MUC13: variants seen among roughly 807,000 people sequenced by gnomAD.
MUC13 encodes mucin-13.
A neutral mutation model predicts 48.3 loss-of-function variants in MUC13; 32 were observed. The ratio of observed to expected loss-of-function variants is 0.66; its 90% confidence interval spans 0.50 to 0.89. MUC13 has a LOEUF of 0.89. Ranked by LOEUF, MUC13 falls within the 40% of genes least tolerant of loss-of-function variation. MUC13 has a pLI of 0.00. For synonymous variants in MUC13, 199 were observed against 224.9 expected (o/e 0.88, Z 1.03); for missense variants, 571 against 622.8 (o/e 0.92, Z 0.88).
In MUC13 at chr3:124,927,576, G is replaced by C. The variant is rs1179510633; in HGVS notation, c.470C>G (p.Pro157Arg). ...GGTCTCCAATAAAGCGGTGCCAGTG[G>C]GAGGCCCTGATGATTGATTGTCTTC... ...TTEDNQSSGP[P>R]TGTALLETST... Residue 157 changes from proline to arginine, a missense_variant, in exon 2 of 12, where the codon CCC (proline) becomes CGC (arginine). Physicochemically the swap from Pro to Arg is moderately radical, Grantham distance 103. Transcript: ENST00000616727. 1 of 1,614,100 alleles carries C rather than the reference G, an allele frequency of 6.2e-7. No individual in the cohort carries two copies. The highest frequency in any genetic ancestry group is 1.7e-5 in the Admixed American group (1 of 60,006).
intron 8 of MUC13, among the ~76,000 whole-genome samples, 176 bp downstream of exon 8, chr3:124,912,935 C>CAAAAAA (rs1175714352): frequency 9.7e-5 from 4 of 41,216 alleles, no homozygotes; most frequent in Non-Finnish European, 1.5e-4. Context: ...GACTCCATCT[C>CAAAAAA]AAAAAAAAAA....
chr3:124,927,527 C>T lies in MUC13; in HGVS notation c.514+5G>A, dbSNP rs762678604. On this transcript the variant is annotated splice_donor_5th_base_variant and intron_variant, in intron 2 of 11. Coordinates refer to ENST00000616727, the MANE Select transcript of MUC13 (RefSeq NM_033049.4). ...TTGGGGAGTCTTTGAGGGAATTGTC[C>T]TTACCTGTGCTGTTTAGGGTGCTGG... 5 of 1,613,250 alleles carry T rather than the reference C, an allele frequency of 3.1e-6. No homozygotes were observed. Among genetic ancestry groups the T allele is most frequent in the African/African-American group, 2.7e-5 (2 of 74,984 alleles).
Position 124,913,616 on chromosome 3 carries a change from A to G in MUC13, c.1030T>C (p.Cys344Arg). 6.2e-7 allele frequency: 1 copy of G among 1,614,258 alleles called. No individual in the cohort carries two copies. The highest frequency in any genetic ancestry group is 8.5e-7 in the Non-Finnish European group (1 of 1,180,040). ...CTTTGCAGGTCAGATTTGCAATCGCATGCTAAACCATTGAGGCAGTCATCC... is the reference window on the plus strand; with the variant it reads ...CTTTGCAGGTCAGATTTGCAATCGCGTGCTAAACCATTGAGGCAGTCATCC... ...TADDCLNGLA[C>R]DCKSDLQRPN... Residue 344 changes from cysteine to arginine, a missense_variant, in exon 7 of 12, where the codon TGC (cysteine) becomes CGC (arginine). Transcript: ENST00000616727.
At chr3:124,920,400 C>A in intron 4 of MUC13, 111 bp from the exon 5 acceptor site, 1 of 833,112 alleles carries the variant, frequency 1.2e-6, no homozygotes, top group Non-Finnish European at 1.9e-6. Context: ...TTAACAGGAT[C>A]CAACTGGGTA....
intron 1 of MUC13, among the ~76,000 whole-genome samples, chr3:124,928,789 G>C (rs981346700): frequency 3.3e-5 from 5 of 152,308 alleles, no homozygotes; most frequent in African/African-American, 1.2e-4. Context: ...TCTCAGTGAG[G>C]ACAATTGAGA....
chr3:124,927,551 G>C lies in MUC13; in HGVS notation c.495C>G (p.Thr165=), dbSNP rs1221781156. ...GPPTGTALLE[T]STLNSTGPSN... ...CCTTACCTGTGCTGTTTAGGGTGCT[G>C]GTCTCCAATAAAGCGGTGCCAGTGG... The change falls in exon 2 of 12, where the codon ACC becomes ACG. Residue 165 remains threonine, a synonymous_variant. Coordinates refer to ENST00000616727, the MANE Select transcript of MUC13 (RefSeq NM_033049.4). 2 of 1,614,130 alleles carry C rather than the reference G, an allele frequency of 1.2e-6. No homozygotes were observed. Among genetic ancestry groups the C allele is most frequent in the Non-Finnish European group, 1.7e-6 (2 of 1,179,992 alleles).
intron 7 of MUC13, 103 bp downstream of exon 7, chr3:124,913,459 G>T: frequency 6.4e-7 from 1 of 1,563,300 alleles, no homozygotes; most frequent in Non-Finnish European, 8.8e-7. Flanking sequence ...AGATCACTCG[G>T]ACTCTGAAAT....
Position 124,920,297 on chromosome 3 carries a change from G to A in MUC13, c.745-8C>T. ...GCCAAATACATCTTTAAACTGTGGA[G>A]GAAAACAGATTTAATAACAAGTAAA... On this transcript the variant is annotated splice_region_variant and splice_polypyrimidine_tract_variant and intron_variant, in intron 4 of 11. Coordinates refer to ENST00000616727, the MANE Select transcript of MUC13 (RefSeq NM_033049.4). 1.3e-6 allele frequency: 2 copies of A among 1,593,204 alleles called. No homozygotes were observed. The highest frequency in any genetic ancestry group is 2.2e-5 in the East Asian group (1 of 44,566).
chr3:124,915,802 C>T (rs992228721), intron 6 of MUC13, among the ~76,000 whole-genome samples: 5 of 147,544 alleles, frequency 3.4e-5, no homozygotes, highest in Non-Finnish European at 5.9e-5. Context: ...CCTCCCACCT[C>T]AGCCTCCCAA....
chr3:124,911,108 C>T (rs752085153), intron 9 of MUC13, among the ~76,000 whole-genome samples: 12 of 152,144 alleles, frequency 7.9e-5, no homozygotes, highest in Non-Finnish European at 1.8e-4. Flanking sequence ...TTATTGATTC[C>T]ATGTTGAAAT....
rs1319277422 is a variant in MUC13, at chr3:124,913,145, C to T, written c.1180G>A (p.Gly394Ser). 84 of 1,613,794 alleles carry T rather than the reference C, an allele frequency of 5.2e-5. No homozygotes were observed. The highest frequency in any genetic ancestry group is 8.0e-5 in the African/African-American group (6 of 74,862). ...TTCCCATTAGCATCTTCCTGGTAGC[C>T]GGGCACGCACGCACACTCAGGGGCC... ...GGAPECACVP[G>S]YQEDANGNCQ... The change falls in exon 8 of 12, where the codon GGC becomes AGC. Residue 394 changes from glycine to serine, a missense_variant. Transcript: ENST00000616727.
At chr3:124,916,109 G>A (rs1935507202) in intron 6 of MUC13, among the ~76,000 whole-genome samples, 1 of 152,206 alleles carries the variant, frequency 6.6e-6, no homozygotes, top group Admixed American at 6.5e-5. Context: ...GAACACACTG[G>A]TCAGTTTGAT....
At position 124,922,591 on chromosome 3, in the gene MUC13, C is replaced by CTTTTTTT. The variant is rs1242125220; in HGVS notation, c.638-295_638-289dup. ...GGTATTTTCCAAATCGTTGCCTAGT[C>CTTTTTTT]TTTTTTTTTTTTTTTTTTTTTGAGA... On this transcript the variant is annotated intron_variant, in intron 3 of 11. Transcript: ENST00000616727. Among the ~76,000 whole-genome samples the CTTTTTTT allele has an allele frequency of 8.2e-5, 7 of 85,428 alleles. 1 individual carries two copies. The highest frequency in any genetic ancestry group is 1.4e-4 in the African/African-American group (3 of 21,506). 56.0% of individuals were successfully genotyped at this position (85,428 alleles called of 152,430 possible).
intron 2 of MUC13, among the ~76,000 whole-genome samples, chr3:124,924,672 A>C (rs1408048831): frequency 6.6e-6 from 1 of 152,208 alleles, no homozygotes; most frequent in Non-Finnish European, 1.5e-5. Context: ...GGAATTGGGC[A>C]CAGAAGTTGC....
At chr3:124,907,149 T>C (rs560541540) in intron 11 of MUC13, among the ~76,000 whole-genome samples, 3 of 152,340 alleles carry the variant, frequency 2.0e-5, no homozygotes, top group African/African-American at 4.8e-5. Context: ...TAGCTTTATC[T>C]CCTTTTTTAA....
At chr3:124,922,514 T>C (rs1935615837) in intron 3 of MUC13, among the ~76,000 whole-genome samples, 1 of 152,060 alleles carries the variant, frequency 6.6e-6, no homozygotes, top group Admixed American at 6.6e-5. Context: ...ACAGTTTACA[T>C]TGTTGTAATT....
intron 1 of MUC13, among the ~76,000 whole-genome samples, chr3:124,930,290 T>C (rs981492537): frequency 2.6e-5 from 4 of 152,236 alleles, no homozygotes; most frequent in Non-Finnish European, 5.9e-5. Context: ...AATGCTCAAT[T>C]AGTTTTAATA....
At position 124,923,558 on chromosome 3, in the gene MUC13, C is replaced by A. The variant is rs1483640457; in HGVS notation, c.606G>T (p.Gly202=). 2 of 1,613,832 alleles carry A rather than the reference C, an allele frequency of 1.2e-6. No homozygotes were observed. The highest frequency in any genetic ancestry group is 1.7e-5 in the Admixed American group (1 of 60,004). ...TACATGTAGAAGAGTTGTAGTAATACCCTTCTAAACACAGGCAAAAACTTG... is the reference window on the plus strand; with the variant it reads ...TACATGTAGAAGAGTTGTAGTAATAACCTTCTAAACACAGGCAAAAACTTG... The part of the protein sequence containing the change: ...HNTSFCLCLE[G]YYYNSSTCKK... Residue 202 remains glycine, a synonymous_variant, in exon 3 of 12, where the codon GGG becomes GGT. Transcript: ENST00000616727.
chr3:124,923,740 T>C (rs894740772), intron 2 of MUC13, 91 bp from the exon 3 acceptor site: 2 of 916,250 alleles, frequency 2.2e-6, no homozygotes, highest in Admixed American at 2.8e-5. Flanking sequence ...GCCTCCCCCC[T>C]GGGCCCTTTC....
Sources: gnomAD v4.1 joint callset for allele counts (sites outside exome capture counted in the v4.1 genomes callset) on GRCh38, gnomAD v4.1.1 for gene constraint, MANE v1.5 for transcripts, NCBI Gene and HGNC (gene_info 2026-07-23, HGNC 2026-07-21) for gene names.